The following ERBB2 variants were observed in gnomAD, a reference collection of about 807,000 sequenced individuals.
The protein encoded by ERBB2 is receptor tyrosine-protein kinase erbB-2.
Under a neutral mutation model 149.0 loss-of-function variants are expected in ERBB2, and 61 were observed. The observed-to-expected ratio is 0.41, with a 90% CI of 0.33 to 0.51. The LOEUF is 0.51. Among genes scored for constraint, ERBB2 ranks in the 20% least tolerant of loss-of-function variants. ERBB2 has a pLI of 0.25. For synonymous variants in ERBB2, 633 were observed against 678.8 expected, an observed-to-expected ratio of 0.93 and a Z score of 1.05; for missense variants, 1,205 against 1,655.1, an observed-to-expected ratio of 0.73 and a Z score of 4.72.
intron 12 of ERBB2, 175 bp from the exon 13 acceptor site, chr17:39,716,126 G>T (rs1442317777): frequency 5.2e-6 from 5 of 963,396 alleles, no homozygotes; most frequent in Non-Finnish European, 7.5e-6. Flanking sequence ...TACCTGCCTT[G>T]GCATCCTTCC....
rs2059081965 is a variant in ERBB2 at position 39,715,726 on chromosome 17, C to T, written c.1314-14C>T. ...GAAGGGGTCCGTGGTAAGGTGCCCA[C>T]CTTTCTCCCATAGTGGCGCCTACTC... is the stretch of plus-strand genomic sequence containing the variant. On this transcript the variant is annotated splice_polypyrimidine_tract_variant and intron_variant, in intron 11 of 26. Transcript: ENST00000269571. 12 of 1,605,464 alleles carry T rather than the reference C, an allele frequency of 7.5e-6. No individual in the cohort carries two copies. Among genetic ancestry groups the T allele is most frequent in the Non-Finnish European group, 9.3e-6 (11 of 1,179,882 alleles).
chr17:39,726,792 T>C lies in ERBB2; in HGVS notation c.2971-23T>C, dbSNP rs764868791. Reference sequence around the variant, plus strand: ...ATGCTGGGCTGGGGAGGGGCCACCATCCTGCCTCTCCTTCCTCCACAGAAT... The same window carrying C: ...ATGCTGGGCTGGGGAGGGGCCACCACCCTGCCTCTCCTTCCTCCACAGAAT... On this transcript the variant is annotated intron_variant, in intron 24 of 26. Coordinates refer to ENST00000269571, the MANE Select transcript of ERBB2 (RefSeq NM_004448.4). The surrounding 1 kb of genome is among the most constrained non-coding windows in gnomAD (Gnocchi z 5.1). 7 of 1,606,676 alleles carry C rather than the reference T, an allele frequency of 4.4e-6. No individual in the cohort carries two copies.
chr17:39,716,051 C>A, intron 12 of ERBB2, 112 bp downstream of exon 12: 1 of 1,163,170 alleles, frequency 8.6e-7, no homozygotes. Flanking sequence ...TCTCTGTGCA[C>A]CCTTCTTGAC....
chr17:39,700,017 G>T (rs2057987296), upstream of ERBB2: 2 of 1,269,596 alleles, frequency 1.6e-6, no homozygotes, highest in Admixed American at 8.1e-5. Context: ...GGTGGAGGAG[G>T]AGGGCTGCTT....
In ERBB2 at chr17:39,727,970, G is replaced by A. The variant is rs1018067615; in HGVS notation, c.3694G>A (p.Ala1232Thr). ...GGACCAGGACCCACCAGAGCGGGGG[G>A]CTCCACCCAGCACCTTCAAAGGGAC... is the stretch of plus-strand genomic sequence containing the variant. ...YWDQDPPERG[A>T]PPSTFKGTPT... The change falls in exon 27 of 27, where the codon GCT becomes ACT. Residue 1232 changes from alanine to threonine, a missense_variant. By Grantham distance (58) the Ala-to-Thr change is moderately conservative. This residue lies in a region of ERBB2 where 312 missense variants were observed against 343.8 expected (regional missense o/e 0.91). Coordinates refer to ENST00000269571, the MANE Select transcript of ERBB2 (RefSeq NM_004448.4). This position sits in a 1 kb window ranked among gnomAD's most constrained non-coding sequence, Gnocchi z 4.3. 3 of 1,613,604 alleles carry A rather than the reference G, an allele frequency of 1.9e-6. No homozygotes were observed. Among genetic ancestry groups the A allele is most frequent in the Admixed American group, 3.3e-5 (2 of 60,010 alleles).
At position 39,715,734 on chromosome 17, in the gene ERBB2, C is replaced by T. The variant is rs2145650339; in HGVS notation, c.1314-6C>T. On this transcript the variant is annotated splice_polypyrimidine_tract_variant and splice_region_variant and intron_variant, in intron 11 of 26. Transcript: ENST00000269571. ...CCGTGGTAAGGTGCCCACCTTTCTCCCATAGTGGCGCCTACTCGCTGACCC... is the reference window on the plus strand; with the variant it reads ...CCGTGGTAAGGTGCCCACCTTTCTCTCATAGTGGCGCCTACTCGCTGACCC... 1 of 1,605,772 alleles carries T rather than the reference C, an allele frequency of 6.2e-7. No homozygotes were observed. Among genetic ancestry groups the T allele is most frequent in the Non-Finnish European group, 8.5e-7 (1 of 1,179,948 alleles).
intron 1 of ERBB2, among the ~76,000 whole-genome samples, chr17:39,705,465 T>C (rs2952155): frequency 0.7 from 105,626 of 151,960 alleles, 37,243 homozygotes; most frequent in Middle Eastern, 0.79. Context: ...GGGGAGGAAG[T>C]GTGGGGAAGA....
At position 39,723,669 on chromosome 17, in the gene ERBB2, C is replaced by T. The variant is rs2059571248; in HGVS notation, c.2208+9C>T. On this transcript the variant is annotated intron_variant, in intron 18 of 26. Transcript: ENST00000269571. The surrounding 1 kb of genome is among the most constrained non-coding windows in gnomAD (Gnocchi z 6.2). The stretch of plus-strand genomic sequence containing the variant: ...TTGGCACAGTCTACAAGGTCAGGGC[C>T]AGGTCCTGGGGTGGGCGGCCCCAGA... 6.3e-7 allele frequency: 1 copy of T among 1,598,952 alleles called. No homozygotes were observed. Among genetic ancestry groups the T allele is most frequent in the South Asian group, 1.1e-5 (1 of 88,744 alleles).
chr17:39,718,862 CT>C (rs1457615539), intron 15 of ERBB2, among the ~76,000 whole-genome samples: 1 of 152,178 alleles, frequency 6.6e-6, no homozygotes. Context: ...CAAGTGAGCC[CT>C]CTTTTGTATG....
intron 2 of ERBB2, among the ~76,000 whole-genome samples, chr17:39,689,676 C>T (rs758272238): frequency 9.9e-5 from 15 of 151,954 alleles, no homozygotes; most frequent in East Asian, 5.8e-4. Context: ...GAGGCCGAGG[C>T]GGACGGATCA....
rs1414068002 is a variant in ERBB2 at position 39,728,429 on chromosome 17, A to G, written c.*385A>G. ...CTAAGAACAAAAGCGACCCATTCAG[A>G]GACTGTCCCTGAAACCTAGTACTGC... On this transcript the variant is annotated 3_prime_UTR_variant, in exon 27 of 27. Coordinates refer to ENST00000269571, the MANE Select transcript of ERBB2 (RefSeq NM_004448.4). 1 of 264,950 alleles carries G rather than the reference A, an allele frequency of 3.8e-6. No homozygotes were observed. The highest frequency in any genetic ancestry group is 5.6e-5 in the East Asian group (1 of 17,792). The allele number at this position is 264,950 out of a possible 1,614,324, so 16.4% of individuals were successfully genotyped here.
At position 39,727,103 on chromosome 17, in the gene ERBB2, C is replaced by G; in HGVS notation, c.3159+100C>G. On this transcript the variant is annotated intron_variant, in intron 25 of 26. Transcript: ENST00000269571. The surrounding 1 kb of genome is among the most constrained non-coding windows in gnomAD (Gnocchi z 4.3). ...TGATGTTCCCTCAACTGTCACCTCT[C>G]AAGGAAACCCCATTATCCCTACAAA... The G allele has an allele frequency of 1.6e-6, 2 of 1,280,276 alleles. No homozygotes were observed. The highest frequency in any genetic ancestry group is 2.8e-5 in the South Asian group (2 of 70,390). 79.3% of individuals were successfully genotyped at this position (1,280,276 alleles called of 1,614,324 possible).
upstream of ERBB2, among the ~76,000 whole-genome samples, chr17:39,698,424 T>A (rs1277355488): frequency 6.6e-6 from 1 of 152,064 alleles, no homozygotes; most frequent in Non-Finnish European, 1.5e-5. Flanking sequence ...CACACCTGGC[T>A]AATTTTTTGT....
At chr17:39,694,193 GAAAAAAAAAAAAA>G (rs869070213), upstream of ERBB2, among the ~76,000 whole-genome samples, 16 of 15,600 alleles carry the variant, frequency 1.0e-3, no homozygotes, top group Admixed American at 3.0e-3. Context: ...CTCTGTCTCA[GAAAAAAAAAAAAA>G]AAAAAAAAAA....
At position 39,711,976 on chromosome 17, in the gene ERBB2, T is replaced by G. The variant is rs2058825804; in HGVS notation, c.950T>G (p.Leu317Arg). Reference sequence around the variant, plus strand: ...GGATCCTGCACCCTCGTCTGCCCCCTGCACAACCAAGAGGTGACAGCAGAG... The same window carrying G: ...GGATCCTGCACCCTCGTCTGCCCCCGGCACAACCAAGAGGTGACAGCAGAG... ...DVGSCTLVCP[L>R]HNQEVTAEDG... Residue 317 changes from leucine (L) to arginine (R), a missense_variant, in exon 8 of 27, where the codon CTG becomes CGG. By Grantham distance (102) the Leu-to-Arg change is moderately radical. This residue lies in a region of ERBB2 where 569 missense variants were observed against 803.5 expected (regional missense o/e 0.71). Transcript: ENST00000269571. 6.2e-7 allele frequency: 1 copy of G among 1,614,024 alleles called. No homozygotes were observed. Among genetic ancestry groups the G allele is most frequent in the African/African-American group, 1.3e-5 (1 of 74,934 alleles).
At position 39,726,484 on chromosome 17, in the gene ERBB2, C is replaced by A; in HGVS notation, c.2873-78C>A. Reference sequence around the variant, plus strand: ...GTCCCTTGGGACTGTCTAGACCAGACTGGAGGGGGAGTGGGAGGGGAGAGG... The same window carrying A: ...GTCCCTTGGGACTGTCTAGACCAGAATGGAGGGGGAGTGGGAGGGGAGAGG... On this transcript the variant is annotated intron_variant, in intron 23 of 26. Coordinates refer to ENST00000269571, the MANE Select transcript of ERBB2 (RefSeq NM_004448.4). The surrounding 1 kb of genome is among the most constrained non-coding windows in gnomAD (Gnocchi z 5.1). The A allele has an allele frequency of 8.2e-7, 1 of 1,216,148 alleles. No individual in the cohort carries two copies. The highest frequency in any genetic ancestry group is 1.2e-6 in the Non-Finnish European group (1 of 827,134). 75.3% of individuals were successfully genotyped at this position (1,216,148 alleles called of 1,614,324 possible). A position where few individuals can be genotyped will look rare whatever the true frequency, so the allele number is the denominator to read the frequency against.
upstream of ERBB2, among the ~76,000 whole-genome samples, chr17:39,693,887 CAATT>C (rs2057767108): frequency 6.7e-6 from 1 of 149,548 alleles, no homozygotes; most frequent in Non-Finnish European, 1.5e-5. Context: ...TCAGGAGTCT[CAATT>C]AAAAAATAAA....
chr17:39,710,130 C>A lies in ERBB2; in HGVS notation c.688C>A (p.Pro230Thr), dbSNP rs776960538. 6.2e-7 allele frequency: 1 copy of A among 1,611,162 alleles called. No homozygotes were observed. ...CGGTGGCTGTGCCCGCTGCAAGGGG[C>A]CACTGCCCACTGACTGCTGCCATGA... is the stretch of plus-strand genomic sequence containing the variant. Reference protein sequence around the residue: ...CAGGCARCKGPLPTDCCHEQC... With the variant: ...CAGGCARCKGTLPTDCCHEQC... Residue 230 changes from proline (P) to threonine (T), a missense_variant, in exon 6 of 27, where the codon CCA (proline) becomes ACA (threonine). This residue lies in a region of ERBB2 where 569 missense variants were observed against 803.5 expected (regional missense o/e 0.71). Coordinates refer to ENST00000269571, the MANE Select transcript of ERBB2 (RefSeq NM_004448.4).
Position 39,723,364 on chromosome 17 carries a change from CGTGGTCTTGGGG to C in ERBB2, c.2001_2012del (p.Leu667_Val670del). On this transcript the variant is annotated inframe_deletion, in exon 17 of 27. Transcript: ENST00000269571. This position sits in a 1 kb window ranked among gnomAD's most constrained non-coding sequence, Gnocchi z 6.2. ...CTGCGGTGGTTGGCATTCTGCTGGT[CGTGGTCTTGGGG>C]GTGGTCTTTGGGATCCTCATCAAGC... 6.2e-7 allele frequency: 1 copy of C among 1,613,644 alleles called. No homozygotes were observed. Among genetic ancestry groups the C allele is most frequent in the South Asian group, 1.1e-5 (1 of 91,048 alleles).
Sources: allele counts gnomAD v4.1 joint callset (sites outside exome capture counted in the v4.1 genomes callset), GRCh38; gene constraint gnomAD v4.1.1; regional missense constraint gnomAD v4.1.1; non-coding constraint Gnocchi (gnomAD v3.1); transcripts MANE v1.5; gene names NCBI Gene and HGNC (gene_info 2026-07-23, HGNC 2026-07-21).